RAD51B: variants seen among roughly 807,000 people sequenced by gnomAD.
RAD51B encodes DNA repair protein RAD51 homolog 2.
In RAD51B, 38 loss-of-function variants were observed where a neutral mutation model predicts 42.2. The observed-to-expected ratio is 0.90, with a 90% CI of 0.70 to 1.18. The LOEUF is 1.18. RAD51B is among the 50% of genes most tolerant of loss of function. RAD51B has a pLI of 0.00. For synonymous variants in RAD51B, 154 were observed against 145.2 expected (o/e 1.06, Z -0.43); for missense variants, 373 against 400.7 (o/e 0.93, Z 0.59).
Position 67,865,140 on chromosome 14 carries a change from G to A in RAD51B, c.452+1G>A. 6.3e-7 allele frequency: 1 copy of A among 1,587,180 alleles called. No individual in the cohort carries two copies. Among genetic ancestry groups the A allele is most frequent in the Non-Finnish European group, 8.6e-7 (1 of 1,169,484 alleles). On this transcript the variant is annotated splice_donor_variant, in intron 5 of 10. Transcript: ENST00000471583. LOFTEE classifies it high-confidence loss of function. The stretch of plus-strand genomic sequence containing the variant: ...CAGAGTCTGCATTTAGTGCTGAAAG[G>A]TATGAGATTTTATTTTCTATTATAA...
intron 11 of RAD51B, among the ~76,000 whole-genome samples, chr14:68,653,546 A>T (rs545720084): frequency 5.3e-5 from 8 of 152,274 alleles, no homozygotes; most frequent in African/African-American, 1.7e-4. Flanking sequence ...GTATTGTAGG[A>T]TGTCTAGAAG....
chr14:68,096,602 A>G (rs7141160), intron 7 of RAD51B, among the ~76,000 whole-genome samples: 24,677 of 152,220 alleles, frequency 0.16, 2,190 homozygotes, highest in Middle Eastern at 0.34. Flanking sequence ...GAGCCCACCT[A>G]GTACACCACA....
chr14:68,417,386 C>A (rs1566871266), intron 9 of RAD51B, among the ~76,000 whole-genome samples: 1 of 152,146 alleles, frequency 6.6e-6, no homozygotes, highest in South Asian at 2.1e-4. Context: ...AACATAAAAT[C>A]CAGTCAAGTA....
intron 8 of RAD51B, among the ~76,000 whole-genome samples, chr14:68,335,429 A>T (rs1328894649): frequency 3.3e-5 from 5 of 152,222 alleles, no homozygotes; most frequent in Non-Finnish European, 7.3e-5. Context: ...TAGTACAATC[A>T]GCATACTTTA....
intron 7 of RAD51B, among the ~76,000 whole-genome samples, chr14:68,290,406 C>A (rs904447978): frequency 6.6e-6 from 1 of 152,194 alleles, no homozygotes; most frequent in African/African-American, 2.4e-5. Context: ...TGTATTTATT[C>A]TTCCTCTAGG....
downstream of RAD51B, among the ~76,000 whole-genome samples, chr14:68,615,558 G>A (rs2140111697): frequency 6.6e-6 from 1 of 152,104 alleles, no homozygotes; most frequent in South Asian, 2.1e-4. Flanking sequence ...TGTTAGCCAG[G>A]ATGGTCTCGA....
At chr14:68,674,152 C>T (rs955232852) in intron 11 of RAD51B, among the ~76,000 whole-genome samples, 3 of 150,808 alleles carry the variant, frequency 2.0e-5, no homozygotes, top group East Asian at 3.9e-4. Context: ...CAATACTGTA[C>T]ACACATATAT....
At chr14:68,676,261 G>T (rs1252589489) in intron 11 of RAD51B, among the ~76,000 whole-genome samples, 1 of 152,154 alleles carries the variant, frequency 6.6e-6, no homozygotes, top group Non-Finnish European at 1.5e-5. Context: ...AGGTTAAAGT[G>T]CCTTGCCCTG....
chr14:68,599,642 A>G (rs559986078), downstream of RAD51B, among the ~76,000 whole-genome samples: 181 of 152,350 alleles, frequency 1.2e-3, no homozygotes, highest in African/African-American at 4.1e-3. Flanking sequence ...CAATCAGCTC[A>G]GTGGAAATGT....
intron 7 of RAD51B, among the ~76,000 whole-genome samples, chr14:68,095,971 C>CAAAA (rs56862052): frequency 4.6e-4 from 29 of 62,588 alleles, no homozygotes; most frequent in Middle Eastern, 6.1e-3. Context: ...GACTCCGTCT[C>CAAAA]AAAAAAAAAA....
At chr14:68,241,606 T>C (rs8010568) in intron 7 of RAD51B, among the ~76,000 whole-genome samples, 165 of 152,288 alleles carry the variant, frequency 1.1e-3, no homozygotes, top group African/African-American at 3.8e-3. Flanking sequence ...CGCTTCATCA[T>C]TTTGGCTAAG....
intron 10 of RAD51B, among the ~76,000 whole-genome samples, 170 bp from the exon 11 acceptor site, chr14:68,477,478 C>T (rs991246425): frequency 2.6e-5 from 4 of 152,142 alleles, no homozygotes; most frequent in South Asian, 2.1e-4. Flanking sequence ...CCCACACTTC[C>T]GCTGTGTTTC....
In RAD51B at chr14:68,200,877, CA is replaced by C. The variant is rs1210114054; in HGVS notation, c.757-91004del. Among the ~76,000 whole-genome samples, 8 of 152,114 alleles carry C rather than the reference CA, an allele frequency of 5.3e-5. No homozygotes were observed. In the East Asian group the frequency reaches 1.5e-3, roughly 29 times the overall value. ...CTCGCTATGTTGCCCAGGCCGGTCTCAAACTCCTGGACTCGAGCAATCCTCC... is the reference window on the plus strand; with the variant it reads ...CTCGCTATGTTGCCCAGGCCGGTCTCAACTCCTGGACTCGAGCAATCCTCC... On this transcript the variant is annotated intron_variant, in intron 7 of 10. Coordinates refer to ENST00000471583, the MANE Select transcript of RAD51B (RefSeq NM_133510.4).
intron 7 of RAD51B, among the ~76,000 whole-genome samples, chr14:67,960,883 G>A (rs542975018): frequency 6.6e-6 from 1 of 152,170 alleles, no homozygotes; most frequent in Admixed American, 6.5e-5. Flanking sequence ...GGCCCAGGCT[G>A]GTCTGGAACT....
chr14:68,050,707 C>T (rs1037489368), intron 7 of RAD51B, among the ~76,000 whole-genome samples: 1 of 152,118 alleles, frequency 6.6e-6, no homozygotes, highest in African/African-American at 2.4e-5. Flanking sequence ...CTGCCCTCTT[C>T]TCTTCCCCCT....
At chr14:68,005,052 T>G (rs1371767917) in intron 7 of RAD51B, among the ~76,000 whole-genome samples, 2 of 132,916 alleles carry the variant, frequency 1.5e-5, no homozygotes, top group Non-Finnish European at 3.2e-5. Flanking sequence ...TGTGTTTTTT[T>G]TTTTTTTTTT....
intron 7 of RAD51B, among the ~76,000 whole-genome samples, chr14:67,911,260 G>A (rs904270036): frequency 6.6e-6 from 1 of 152,180 alleles, no homozygotes; most frequent in Non-Finnish European, 1.5e-5. Context: ...AAATGGTGGT[G>A]CATGGACTGG....
intron 7 of RAD51B, among the ~76,000 whole-genome samples, chr14:68,092,878 A>G (rs2140523072): frequency 6.6e-6 from 1 of 151,848 alleles, no homozygotes; most frequent in East Asian, 1.9e-4. Context: ...CGTCCCATCA[A>G]TACCTAATTT....
In RAD51B at chr14:68,050,874, T is replaced by C. The variant is rs559090152; in HGVS notation, c.756+163670T>C. The stretch of plus-strand genomic sequence containing the variant: ...TGGGATCACCTTATATACAGTTATT[T>C]GGATCTTGCCTTTTTTTTTATTTAT... On this transcript the variant is annotated intron_variant, in intron 7 of 10. Transcript: ENST00000471583. 1.0e-3 allele frequency among the ~76,000 whole-genome samples: 154 copies of C among 152,188 alleles called. 2 individuals are homozygous for C. The highest frequency in any genetic ancestry group is 1.9e-3 in the Non-Finnish European group (131 of 67,996).
Sources: gnomAD v4.1 joint callset for allele counts (sites outside exome capture counted in the v4.1 genomes callset) on GRCh38, gnomAD v4.1.1 for gene constraint, MANE v1.5 for transcripts, NCBI Gene and HGNC (gene_info 2026-07-23, HGNC 2026-07-21) for gene names.